Variants in MAD1L1 observed in about 807,000 individuals in gnomAD.
The protein encoded by MAD1L1 is mitotic arrest deficient 1 like 1.
MAD1L1 carries 95 observed loss-of-function variants against 96.9 expected under a neutral mutation model. That is an observed-to-expected ratio of 0.98 (90% CI 0.83 to 1.16). The LOEUF (loss-of-function observed/expected upper bound fraction) is 1.16. Among genes scored for constraint, MAD1L1 ranks in the 50% most tolerant of loss-of-function variants. MAD1L1 has a pLI of 0.00. For missense variants in MAD1L1, 1,007 were observed against 954.4 expected, an observed-to-expected ratio of 1.06 and a Z score of -0.73; for synonymous variants, 473 against 396.6, an observed-to-expected ratio of 1.19 and a Z score of -2.29.
intron 10 of MAD1L1, among the ~76,000 whole-genome samples, chr7:2,170,201 A>G (rs1266347589): frequency 2.0e-5 from 3 of 152,144 alleles, no homozygotes; most frequent in Non-Finnish European, 4.4e-5. Context: ...AGCCAGAGAG[A>G]GCCCCTGAGG....
chr7:1,856,748 C>T (rs1038727415), intron 18 of MAD1L1, among the ~76,000 whole-genome samples: 11 of 152,172 alleles, frequency 7.2e-5, no homozygotes, highest in Non-Finnish European at 1.3e-4. Context: ...GCAGGGCCCA[C>T]GCGCACCCCG....
At chr7:1,924,019 A>G (rs1412757788) in intron 17 of MAD1L1, among the ~76,000 whole-genome samples, 3 of 152,372 alleles carry the variant, frequency 2.0e-5, no homozygotes, top group Admixed American at 2.0e-4. Context: ...GGGATATTCA[A>G]AACATCCAGA....
chr7:1,854,333 G>C (rs947305419), intron 18 of MAD1L1: 1 of 465,358 alleles, frequency 2.1e-6, no homozygotes, highest in African/African-American at 2.0e-5. Flanking sequence ...CCGGCAGCTC[G>C]TCCCCAACCC....
Position 2,216,234 on chromosome 7 carries a change from G to A in MAD1L1, c.732C>T (p.Asn244=), listed in dbSNP as rs1793269481. The A allele has an allele frequency of 6.2e-7, 1 of 1,614,194 alleles. No individual in the cohort carries two copies. The highest frequency in any genetic ancestry group is 1.7e-5 in the Admixed American group (1 of 60,030). ...GGAGCCGTACCAGCTCAGACTTCAT[G>A]TTCTTCACAATCGCTGCATCCTGCT... ...LQEQDAAIVK[N]MKSELVRLPR... The change falls in exon 8 of 19, where the codon AAC becomes AAT. Residue 244 remains asparagine (N), a synonymous_variant. Coordinates refer to ENST00000265854, the MANE Select transcript of MAD1L1 (RefSeq NM_001013836.2).
At chr7:1,939,318 C>T (rs1720454419) in intron 16 of MAD1L1, among the ~76,000 whole-genome samples, 3 of 151,154 alleles carry the variant, frequency 2.0e-5, no homozygotes, top group Admixed American at 2.0e-4. Flanking sequence ...CACACATACA[C>T]ACACACATAC....
chr7:1,938,999 G>GCACACACACA (rs66527139), intron 16 of MAD1L1, among the ~76,000 whole-genome samples: 1 of 48,656 alleles, frequency 2.1e-5, no homozygotes, highest in Non-Finnish European at 3.9e-5. Flanking sequence ...GCACACACAC[G>GCACACACACA]CACACACACA....
chr7:2,059,145 G>C (rs1784519151), intron 12 of MAD1L1, among the ~76,000 whole-genome samples: 2 of 131,822 alleles, frequency 1.5e-5, no homozygotes, highest in African/African-American at 2.9e-5. Context: ...GCTGGAGAGG[G>C]AGTGTGGCCA....
intron 17 of MAD1L1, among the ~76,000 whole-genome samples, chr7:1,933,956 G>A (rs898214331): frequency 1.3e-5 from 2 of 152,164 alleles, no homozygotes; most frequent in East Asian, 1.9e-4. Flanking sequence ...CTTAGATTCC[G>A]GTTTCCCAAG....
At chr7:2,138,556 G>A (rs1189046667) in intron 11 of MAD1L1, among the ~76,000 whole-genome samples, 1 of 152,202 alleles carries the variant, frequency 6.6e-6, no homozygotes, top group African/African-American at 2.4e-5. Flanking sequence ...GCACACTTCC[G>A]GCTTGTTAGG....
intron 11 of MAD1L1, among the ~76,000 whole-genome samples, chr7:2,070,530 C>T (rs1785074464): frequency 6.6e-6 from 1 of 152,232 alleles, no homozygotes; most frequent in South Asian, 2.1e-4. Flanking sequence ...GAAGAGAGGC[C>T]ACACCGGGGA....
chr7:2,222,570 C>T lies in MAD1L1; in HGVS notation c.471+5G>A. The T allele has an allele frequency of 1.3e-6, 2 of 1,589,808 alleles. No individual in the cohort carries two copies. The highest frequency in any genetic ancestry group is 1.7e-6 in the Non-Finnish European group (2 of 1,167,488). ...AGCTCCCTGCGCAGCAGAGGCCCCG[C>T]TCACCTCGCCAGCCTGGGCCAGACT... On this transcript the variant is annotated splice_donor_5th_base_variant and intron_variant, in intron 5 of 18. Coordinates refer to ENST00000265854, the MANE Select transcript of MAD1L1 (RefSeq NM_001013836.2).
chr7:2,185,552 A>G (rs1693783775), intron 10 of MAD1L1, among the ~76,000 whole-genome samples: 1 of 152,260 alleles, frequency 6.6e-6, no homozygotes, highest in Admixed American at 6.5e-5. Flanking sequence ...AAAAGACCAC[A>G]TTGAATGCCA....
chr7:2,048,745 C>A lies in MAD1L1; in HGVS notation c.1218+20449G>T, dbSNP rs568762405. 1.6e-4 allele frequency among the ~76,000 whole-genome samples: 25 copies of A among 152,334 alleles called. No individual in the cohort carries two copies. In the East Asian group the frequency reaches 4.2e-3, roughly 26 times the overall value. The stretch of plus-strand genomic sequence containing the variant: ...GAACGGAGCTGTGATGGGAGCCTCC[C>A]GAGCCTGGCTGAGCCCCCTGTGCCA... On this transcript the variant is annotated intron_variant, in intron 12 of 18. Transcript: ENST00000265854.
intron 12 of MAD1L1, among the ~76,000 whole-genome samples, chr7:2,062,853 C>T (rs1381960742): frequency 3.9e-5 from 6 of 152,008 alleles, no homozygotes; most frequent in Non-Finnish European, 7.3e-5. Context: ...GTGACCCACT[C>T]CCTGCACACA....
chr7:1,931,079 C>T (rs1409899076), intron 17 of MAD1L1, among the ~76,000 whole-genome samples: 2 of 144,480 alleles, frequency 1.4e-5, no homozygotes, highest in East Asian at 2.0e-4. Context: ...ACCCCACCCA[C>T]GGTCACAGGA....
intron 10 of MAD1L1, among the ~76,000 whole-genome samples, chr7:2,211,536 A>T (rs539681052): frequency 6.6e-6 from 1 of 152,346 alleles, no homozygotes; most frequent in South Asian, 2.1e-4. Flanking sequence ...CCTTCACAGG[A>T]AAGAAGTCAC....
At chr7:1,983,168 A>G (rs867493045) in intron 14 of MAD1L1, among the ~76,000 whole-genome samples, 1 of 139,626 alleles carries the variant, frequency 7.2e-6, no homozygotes, top group Admixed American at 6.8e-5. Context: ...ACACACACAC[A>G]CACACACACA....
chr7:2,208,639 C>T (rs1400162674), intron 10 of MAD1L1, among the ~76,000 whole-genome samples: 1 of 152,164 alleles, frequency 6.6e-6, no homozygotes. Flanking sequence ...TGTTCGCCTA[C>T]AGAGATGGCC....
At chr7:2,090,732 G>C (rs764621220) in intron 11 of MAD1L1, among the ~76,000 whole-genome samples, 55 of 152,236 alleles carry the variant, frequency 3.6e-4, no homozygotes, top group Non-Finnish European at 6.0e-4. Flanking sequence ...GGTCTGTAAA[G>C]AACCACAGAC....
Sources: gnomAD v4.1 joint callset for allele counts (sites outside exome capture counted in the v4.1 genomes callset) on GRCh38, gnomAD v4.1.1 for gene constraint, MANE v1.5 for transcripts, NCBI Gene and HGNC (gene_info 2026-07-23, HGNC 2026-07-21) for gene names.